The following SHC2 variants were observed in gnomAD, a reference collection of about 807,000 sequenced individuals.
SHC2 encodes SHC adaptor protein 2, also known as SHC-transforming protein 2.
A neutral mutation model predicts 60.6 loss-of-function variants in SHC2; 62 were observed. The ratio of observed to expected loss-of-function variants is 1.02; its 90% confidence interval spans 0.83 to 1.26. The LOEUF (loss-of-function observed/expected upper bound fraction) is 1.26. Among genes scored for constraint, SHC2 ranks in the 50% most tolerant of loss-of-function variants. The probability of loss-of-function intolerance (pLI) is 0.00; values close to 1 mark genes in which losing one functional copy is unlikely to be tolerated. For missense variants in SHC2, 873 were observed against 822.2 expected, an observed-to-expected ratio of 1.06 and a Z score of -0.76; for synonymous variants, 375 against 372.4, an observed-to-expected ratio of 1.01 and a Z score of -0.08.
chr19:444,907 C>T (rs567416928), intron 1 of SHC2, among the ~76,000 whole-genome samples: 14 of 152,338 alleles, frequency 9.2e-5, no homozygotes, highest in Admixed American at 2.0e-4. Flanking sequence ...AATGGCCCCT[C>T]GGGAAACAGG....
chr19:421,136 C>T lies in SHC2; in HGVS notation c.1620+1010G>A, dbSNP rs1018111603. 2.6e-5 allele frequency among the ~76,000 whole-genome samples: 4 copies of T among 151,812 alleles called. 1 individual carries two copies. Among genetic ancestry groups the T allele is most frequent in the Non-Finnish European group, 5.9e-5 (4 of 67,990 alleles). Reference sequence around the variant, plus strand: ...AAGAAGGGCCGGGCGCAGTGGCTCACGCCTGTAATCCCAGCACTTTGGGAG... The same window carrying T: ...AAGAAGGGCCGGGCGCAGTGGCTCATGCCTGTAATCCCAGCACTTTGGGAG... On this transcript the variant is annotated intron_variant, in intron 11 of 12. Transcript: ENST00000264554.
At chr19:458,174 G>T (rs1310156355) in intron 1 of SHC2, among the ~76,000 whole-genome samples, 4 of 143,712 alleles carry the variant, frequency 2.8e-5, no homozygotes, top group Non-Finnish European at 6.1e-5. Context: ...CGGGGAGGCA[G>T]ACGCATGTTC....
intron 1 of SHC2, among the ~76,000 whole-genome samples, chr19:451,814 G>C (rs112607013): frequency 0.048 from 7,257 of 152,150 alleles, 585 homozygotes; most frequent in African/African-American, 0.16. Context: ...ACAGGCTGGT[G>C]TCGAACTCCT....
At chr19:437,338 G>A (rs1707920038) in intron 4 of SHC2, among the ~76,000 whole-genome samples, 1 of 151,814 alleles carries the variant, frequency 6.6e-6, no homozygotes, top group Non-Finnish European at 1.5e-5. Flanking sequence ...CTGCGTGCTT[G>A]TTTGCATGCT....
intron 12 of SHC2, among the ~76,000 whole-genome samples, chr19:418,043 C>T (rs1974192601): frequency 2.0e-5 from 3 of 152,152 alleles, no homozygotes; most frequent in African/African-American, 7.2e-5. Context: ...CTCTCCTGCC[C>T]CAACCTCACC....
At position 447,719 on chromosome 19, in the gene SHC2, G is replaced by A. The variant is rs141073089; in HGVS notation, c.469-6787C>T. On this transcript the variant is annotated intron_variant, in intron 1 of 12. Transcript: ENST00000264554. Reference sequence around the variant, plus strand: ...CTTGAACCTGGGAAGCGGAGGTTGCGGTGAGCCGAGATCGCACCACTGCAC... The same window carrying A: ...CTTGAACCTGGGAAGCGGAGGTTGCAGTGAGCCGAGATCGCACCACTGCAC... 3.2e-3 allele frequency among the ~76,000 whole-genome samples: 492 copies of A among 152,004 alleles called. 4 individuals carry two copies. Among genetic ancestry groups the A allele is most frequent in the African/African-American group, 0.011 (453 of 41,436 alleles).
chr19:442,833 G>A (rs1396676957), intron 1 of SHC2, among the ~76,000 whole-genome samples: 8 of 142,950 alleles, frequency 5.6e-5, no homozygotes, highest in South Asian at 2.3e-4. Flanking sequence ...ATGGGTGGGT[G>A]GATGGGTGGA....
intron 9 of SHC2, among the ~76,000 whole-genome samples, chr19:426,225 C>T (rs1426309568): frequency 1.3e-5 from 2 of 152,128 alleles, no homozygotes; most frequent in South Asian, 2.1e-4. Context: ...TGCTGGGTGA[C>T]GAGGGCAGAG....
At chr19:429,451 C>G (rs545322203) in intron 9 of SHC2, among the ~76,000 whole-genome samples, 23 of 149,668 alleles carry the variant, frequency 1.5e-4, no homozygotes, top group African/African-American at 5.6e-4. Context: ...CTACACCCAA[C>G]GTGCACAGAA....
chr19:456,994 G>C (rs111552683), intron 1 of SHC2, among the ~76,000 whole-genome samples: 1,234 of 87,640 alleles, frequency 0.014, no homozygotes, highest in Middle Eastern at 0.066. Flanking sequence ...TGCACCTGCA[G>C]CTGCTGTGCC....
intron 1 of SHC2, among the ~76,000 whole-genome samples, chr19:455,741 C>A (rs1029976050): frequency 3.9e-5 from 6 of 152,174 alleles, no homozygotes; most frequent in African/African-American, 1.4e-4. Flanking sequence ...ATCTGCTCCG[C>A]CTTTCCCAGC....
chr19:435,134 C>T (rs992704361), intron 7 of SHC2, among the ~76,000 whole-genome samples: 5 of 152,262 alleles, frequency 3.3e-5, no homozygotes, highest in African/African-American at 7.2e-5. Context: ...TTTCTGCCCA[C>T]CTCCGGCCCC....
rs756811061 is a variant in SHC2 at position 427,173 on chromosome 19, ATTGT to A, written c.1175-1946_1175-1943del. On this transcript the variant is annotated intron_variant, in intron 9 of 12. Transcript: ENST00000264554. ...CTGACGCTTGGCAGCGAAATGCCAG[ATTGT>A]TTGGGAAGATCTAAAAAAAGCTCAA... Among the ~76,000 whole-genome samples, 7 of 152,282 alleles carry A rather than the reference ATTGT, an allele frequency of 4.6e-5. No individual in the cohort carries two copies. The South Asian group carries it at 8.3e-4, about 18-fold the overall frequency.
rs1600301967 is a variant in SHC2, at chr19:440,071, C to T, written c.539+791G>A. ...AGCAAGGCTCTGACCCAGGCCACAG[C>T]GCGGACACACCTCGGGAACGCCATG... On this transcript the variant is annotated intron_variant, in intron 2 of 12. Transcript: ENST00000264554. This position sits in a 1 kb window ranked among gnomAD's most constrained non-coding sequence, Gnocchi z 7.0. Among the ~76,000 whole-genome samples, 1 of 150,928 alleles carries T rather than the reference C, an allele frequency of 6.6e-6. No individual in the cohort carries two copies. Among genetic ancestry groups the T allele is most frequent in the South Asian group, 2.1e-4 (1 of 4,724 alleles).
chr19:428,887 G>T (rs1043982791), intron 9 of SHC2, among the ~76,000 whole-genome samples: 2 of 151,966 alleles, frequency 1.3e-5, no homozygotes, highest in Non-Finnish European at 2.9e-5. Context: ...ATACCGTGTG[G>T]ATGACGCAGT....
intron 7 of SHC2, chr19:435,887 G>A: frequency 2.5e-6 from 1 of 407,518 alleles, no homozygotes; most frequent in Non-Finnish European, 4.5e-6. Flanking sequence ...GTCTGGAGGA[G>A]GGATATTGGT....
At chr19:430,945 C>A (rs1457982401) in intron 8 of SHC2, among the ~76,000 whole-genome samples, 198 bp from the exon 9 acceptor site, 3 of 152,246 alleles carry the variant, frequency 2.0e-5, no homozygotes, top group Non-Finnish European at 4.4e-5. Context: ...TGGCCTTCCC[C>A]GCCTTCTCTC....
rs549857345 is a variant in SHC2, at chr19:425,254, G to A, written c.1175-23C>T. The A allele has an allele frequency of 6.8e-6, 9 of 1,315,054 alleles. No homozygotes were observed. Among genetic ancestry groups the A allele is most frequent in the African/African-American group, 1.5e-5 (1 of 66,354 alleles). 81.5% of individuals were successfully genotyped at this position (1,315,054 alleles called of 1,614,324 possible). A position where few individuals can be genotyped will look rare whatever the true frequency, so the allele number is the denominator to read the frequency against. On this transcript the variant is annotated intron_variant, in intron 9 of 12. Coordinates refer to ENST00000264554, the MANE Select transcript of SHC2 (RefSeq NM_012435.3). The surrounding 1 kb of genome is among the most constrained non-coding windows in gnomAD (Gnocchi z 4.1). Reference sequence around the variant, plus strand: ...GAGCTGGGGAGTGTAAAGAGGGGCAGGGGGTCAGCTGGGAGCCAGGCGAGG... The same window carrying A: ...GAGCTGGGGAGTGTAAAGAGGGGCAAGGGGTCAGCTGGGAGCCAGGCGAGG...
At chr19:454,957 CCT>C (rs769471124) in intron 1 of SHC2, among the ~76,000 whole-genome samples, 1 of 152,326 alleles carries the variant, frequency 6.6e-6, no homozygotes, top group Admixed American at 6.5e-5. Flanking sequence ...CGTCTCTGCC[CCT>C]CTCATCCTGT....
Sources: gnomAD v4.1 joint callset for allele counts (sites outside exome capture counted in the v4.1 genomes callset) on GRCh38, gnomAD v4.1.1 for gene constraint, Gnocchi (gnomAD v3.1) non-coding constraint, MANE v1.5 for transcripts, NCBI Gene and HGNC (gene_info 2026-07-23, HGNC 2026-07-21) for gene names.